Variants in XPR1 observed in about 807,000 individuals in gnomAD.
XPR1 encodes the protein solute carrier family 53 member 1.
In XPR1, 28 loss-of-function variants were observed where a neutral mutation model predicts 87.5. That is an observed-to-expected ratio of 0.32 (90% CI 0.24 to 0.44). The LOEUF (loss-of-function observed/expected upper bound fraction) is 0.44. Among genes scored for constraint, XPR1 ranks in the 20% least tolerant of loss-of-function variants. The pLI is 1.00. For missense variants in XPR1, 559 were observed against 862.3 expected (o/e 0.65, Z 4.41); for synonymous variants, 300 against 306.1 (o/e 0.98, Z 0.21).
At chr1:180,718,562 T>C (rs1023736690) in intron 2 of XPR1, among the ~76,000 whole-genome samples, 3 of 152,022 alleles carry the variant, frequency 2.0e-5, no homozygotes, top group Non-Finnish European at 4.4e-5. Flanking sequence ...TTCATAACTG[T>C]GGTTGCACAT....
rs914750638 is a variant in XPR1, at chr1:180,728,026, A to T, written c.121+45615A>T. ...ATCCTGTGACTTAGAATGCTTAACC[A>T]TCTGGGAATGCAGCCCAGTAGGTTT... On this transcript the variant is annotated intron_variant, in intron 2 of 14. Transcript: ENST00000367590. 4.6e-5 allele frequency among the ~76,000 whole-genome samples: 7 copies of T among 152,256 alleles called. No individual in the cohort carries two copies. In the East Asian group the frequency reaches 1.4e-3, roughly 29 times the overall value.
At chr1:180,860,985 C>T (rs1652201536) in intron 11 of XPR1, among the ~76,000 whole-genome samples, 1 of 152,058 alleles carries the variant, frequency 6.6e-6, no homozygotes. Context: ...TTTTACTCCT[C>T]TTCACAATCT....
chr1:180,737,856 G>A (rs1347821316), intron 2 of XPR1, among the ~76,000 whole-genome samples: 1 of 152,068 alleles, frequency 6.6e-6, no homozygotes, highest in Admixed American at 6.6e-5. Context: ...TATCCAGTAG[G>A]ACATGTGGGT....
Position 180,746,126 on chromosome 1 carries a change from T to A in XPR1, c.122-41627T>A, listed in dbSNP as rs149139640. 3.1e-3 allele frequency among the ~76,000 whole-genome samples: 473 copies of A among 152,312 alleles called. 1 individual carries two copies. The highest frequency in any genetic ancestry group is 0.011 in the African/African-American group (447 of 41,560). ...TTTTTTATTTAAATAGCTTTAGGTG[T>A]ACCAAGTGGGTTTTGGTTTCATGGA... On this transcript the variant is annotated intron_variant, in intron 2 of 14. Coordinates refer to ENST00000367590, the MANE Select transcript of XPR1 (RefSeq NM_004736.4).
At chr1:180,780,958 T>A (rs1214519694) in intron 2 of XPR1, among the ~76,000 whole-genome samples, 4 of 152,048 alleles carry the variant, frequency 2.6e-5, no homozygotes, top group African/African-American at 7.2e-5. Flanking sequence ...TCAATTTTTT[T>A]ATTTGTTGCT....
At chr1:180,655,763 A>T (rs952076667) in intron 1 of XPR1, among the ~76,000 whole-genome samples, 61 of 151,904 alleles carry the variant, frequency 4.0e-4, no homozygotes, top group East Asian at 1.5e-3. Flanking sequence ...GTTAATTTTT[A>T]AAAAAAATTG....
intron 3 of XPR1, among the ~76,000 whole-genome samples, chr1:180,799,719 C>T (rs1370819898): frequency 1.3e-5 from 2 of 152,138 alleles, no homozygotes; most frequent in Non-Finnish European, 2.9e-5. Flanking sequence ...AGGTAGCTGG[C>T]CAGTCCCAGG....
chr1:180,801,785 ATT>A (rs542465078), intron 3 of XPR1, among the ~76,000 whole-genome samples: 2 of 145,198 alleles, frequency 1.4e-5, no homozygotes, highest in Admixed American at 6.9e-5. Flanking sequence ...GTCCCTTGGC[ATT>A]TTTTTTTTTT....
At chr1:180,807,352 G>A (rs1289556291) in intron 6 of XPR1, among the ~76,000 whole-genome samples, 1 of 152,134 alleles carries the variant, frequency 6.6e-6, no homozygotes, top group African/African-American at 2.4e-5. Flanking sequence ...ACTAACAAAT[G>A]AGTTTAGCAA....
At chr1:180,730,113 C>G (rs149597335) in intron 2 of XPR1, among the ~76,000 whole-genome samples, 124 of 152,212 alleles carry the variant, frequency 8.1e-4, no homozygotes, top group African/African-American at 2.8e-3. Flanking sequence ...GTATGGCTAC[C>G]CAGTTATCCT....
intron 2 of XPR1, among the ~76,000 whole-genome samples, chr1:180,729,124 G>A (rs1658461949): frequency 6.6e-6 from 1 of 152,162 alleles, no homozygotes; most frequent in South Asian, 2.1e-4. Context: ...AGTTTGCTTA[G>A]GATAATGGCC....
At chr1:180,765,261 T>A (rs777366466) in intron 2 of XPR1, among the ~76,000 whole-genome samples, 52 of 152,320 alleles carry the variant, frequency 3.4e-4, no homozygotes, top group Non-Finnish European at 4.4e-4. Flanking sequence ...TCTAGTCATT[T>A]TTTTATATCC....
chr1:180,685,484 G>T (rs1468333598), intron 2 of XPR1, among the ~76,000 whole-genome samples: 1 of 152,140 alleles, frequency 6.6e-6, no homozygotes, highest in Non-Finnish European at 1.5e-5. Context: ...TTGGTATCAG[G>T]ATGATGCTGG....
chr1:180,843,365 C>T (rs1016272123), intron 11 of XPR1, among the ~76,000 whole-genome samples: 8 of 151,664 alleles, frequency 5.3e-5, no homozygotes, highest in African/African-American at 1.9e-4. Context: ...TAAAGTAGCT[C>T]AAATTTTTAA....
chr1:180,637,847 C>G (rs1354779275), intron 1 of XPR1, among the ~76,000 whole-genome samples: 2 of 152,204 alleles, frequency 1.3e-5, no homozygotes, highest in Admixed American at 6.5e-5. Context: ...AGCCACCACT[C>G]CTGGCCTAAG....
At chr1:180,771,058 C>A (rs1648494028) in intron 2 of XPR1, among the ~76,000 whole-genome samples, 1 of 152,088 alleles carries the variant, frequency 6.6e-6, no homozygotes, top group African/African-American at 2.4e-5. Context: ...TACTTCTTTA[C>A]GTCTGTTTTC....
chr1:180,804,868 G>A (rs1649933180), intron 4 of XPR1, among the ~76,000 whole-genome samples: 2 of 151,980 alleles, frequency 1.3e-5, no homozygotes, highest in African/African-American at 4.8e-5. Context: ...AAAATAAAAT[G>A]TATTTCCTCT....
chr1:180,707,135 A>G (rs754194185), intron 2 of XPR1, among the ~76,000 whole-genome samples: 32 of 152,344 alleles, frequency 2.1e-4, no homozygotes, highest in Middle Eastern at 3.4e-3. Flanking sequence ...TTATCTTGAC[A>G]GTAGTTGGAA....
chr1:180,668,123 C>CTT lies in XPR1; in HGVS notation c.70-14215_70-14214dup, dbSNP rs758456790. 6.5e-3 allele frequency among the ~76,000 whole-genome samples: 614 copies of CTT among 94,676 alleles called. 28 individuals are homozygous for CTT. Among genetic ancestry groups the CTT allele is most frequent in the African/African-American group, 0.022 (461 of 20,848 alleles). The allele number at this position is 94,676 out of a possible 152,430, so 62.1% of individuals were successfully genotyped here. ...TGCTTTCATATTTATTTCCCTCTAT[C>CTT]TTTTTTTTTTTTTTTTTTTTTTTAA... is the stretch of plus-strand genomic sequence containing the variant. On this transcript the variant is annotated intron_variant, in intron 1 of 14. Transcript: ENST00000367590.
Sources: gnomAD v4.1 joint callset for allele counts (sites outside exome capture counted in the v4.1 genomes callset) on GRCh38, gnomAD v4.1.1 for gene constraint, MANE v1.5 for transcripts, NCBI Gene and HGNC (gene_info 2026-07-23, HGNC 2026-07-21) for gene names.